Variants in ZNF506 observed in about 807,000 individuals in gnomAD.
ZNF506 encodes zinc finger protein 506.
In ZNF506, 10 loss-of-function variants were observed where a neutral mutation model predicts 11.6. The observed-to-expected ratio is 0.86, with a 90% CI of 0.53 to 1.46. The LOEUF is 1.46. Among genes scored for constraint, ZNF506 ranks in the 40% most tolerant of loss-of-function variants. The pLI is 0.00. For synonymous variants in ZNF506, 156 were observed against 173.3 expected, an observed-to-expected ratio of 0.90 and a Z score of 0.78; for missense variants, 425 against 521.2, an observed-to-expected ratio of 0.82 and a Z score of 1.80.
intron 1 of ZNF506, 135 bp from the exon 2 acceptor site, chr19:19,807,203 C>A: frequency 7.1e-7 from 1 of 1,416,386 alleles, no homozygotes; most frequent in Non-Finnish European, 9.5e-7. Flanking sequence ...AAATGATTTT[C>A]AACACAGAAA....
At chr19:19,809,224 T>C (rs369074391) in intron 1 of ZNF506, among the ~76,000 whole-genome samples, 7 of 152,186 alleles carry the variant, frequency 4.6e-5, no homozygotes, top group Admixed American at 1.3e-4. Flanking sequence ...GAATCCTGCA[T>C]AGCATATAAG....
intron 1 of ZNF506, among the ~76,000 whole-genome samples, chr19:19,812,308 C>T (rs192860534): frequency 6.6e-6 from 1 of 152,360 alleles, no homozygotes; most frequent in East Asian, 1.9e-4. Context: ...GCCGCTGGCC[C>T]AATGATAAGC....
intron 1 of ZNF506, among the ~76,000 whole-genome samples, chr19:19,807,487 T>G (rs2062844518): frequency 6.6e-6 from 1 of 152,192 alleles, no homozygotes; most frequent in African/African-American, 2.4e-5. Context: ...TTCCAGAAGA[T>G]CTGAAATAAA....
At chr19:19,811,521 C>T (rs2062882862) in intron 1 of ZNF506, among the ~76,000 whole-genome samples, 2 of 152,088 alleles carry the variant, frequency 1.3e-5, no homozygotes, top group African/African-American at 4.8e-5. Flanking sequence ...AGAAATTATA[C>T]TGCTGGGTGT....
intron 3 of ZNF506, among the ~76,000 whole-genome samples, chr19:19,804,474 C>T (rs2062819009): frequency 6.6e-6 from 1 of 152,218 alleles, no homozygotes; most frequent in Admixed American, 6.5e-5. Flanking sequence ...AACGCTTTTA[C>T]ACTGTTGGCG....
rs543566213 is a variant in ZNF506 at position 19,794,317 on chromosome 19, CA to C, written c.*234del. 2.6e-6 allele frequency: 1 copy of C among 378,482 alleles called. No individual in the cohort carries two copies. The highest frequency in any genetic ancestry group is 4.4e-5 in the South Asian group (1 of 22,500). The allele number at this position is 378,482 out of a possible 1,614,324, so 23.4% of individuals were successfully genotyped here. A position where few individuals can be genotyped will look rare whatever the true frequency, so the allele number is the denominator to read the frequency against. ...AAGAGTGAAACTCCATCTCAAAAAA[CA>C]AAAAGAGTTGACAGGTTGTTATAGG... On this transcript the variant is annotated 3_prime_UTR_variant, in exon 4 of 4. Transcript: ENST00000540806.
intron 3 of ZNF506, chr19:19,797,020 T>C (rs1201778388): frequency 6.6e-6 from 1 of 152,302 alleles, no homozygotes; most frequent in African/African-American, 2.4e-5. Flanking sequence ...TCATAACAGG[T>C]AGCTTTTTGT....
chr19:19,805,637 C>A (rs1025698179), intron 3 of ZNF506, among the ~76,000 whole-genome samples: 4 of 151,914 alleles, frequency 2.6e-5, no homozygotes, highest in African/African-American at 9.7e-5. Flanking sequence ...CTTTCACACA[C>A]ACATTTAAGA....
intron 3 of ZNF506, among the ~76,000 whole-genome samples, chr19:19,803,891 A>C (rs1415321289): frequency 6.6e-6 from 1 of 152,214 alleles, no homozygotes; most frequent in Non-Finnish European, 1.5e-5. Context: ...ATAGAAAAAT[A>C]AGTAAAATGC....
Position 19,795,594 on chromosome 19 carries a change from A to T in ZNF506, c.293T>A (p.Val98Glu). 1 of 1,565,218 alleles carries T rather than the reference A, an allele frequency of 6.4e-7. No individual in the cohort carries two copies. The part of the protein sequence containing the change: ...EQSIKDSFQK[V>E]ILRRYEKCRH... ...ACATTTTTCATATCTTCTTAGTATC[A>T]CTTTTTGGAAAGAATCTTTTATGCT... The change falls in exon 4 of 4, where the codon GTG becomes GAG. Residue 98 changes from valine to glutamate, a missense_variant. Physicochemically the swap from Val to Glu is moderately radical, Grantham distance 121. This residue lies in a region of ZNF506 where 226 missense variants were observed against 279.1 expected (regional missense o/e 0.81). Transcript: ENST00000540806.
At chr19:19,821,536 C>G (rs1325676818) in intron 1 of ZNF506, 65 bp downstream of exon 1, 18 of 1,611,026 alleles carry the variant, frequency 1.1e-5, no homozygotes, top group South Asian at 4.4e-5. Context: ...ACAGCCACAG[C>G]CACTTCCTCC....
At chr19:19,801,930 G>A (rs959799436) in intron 3 of ZNF506, among the ~76,000 whole-genome samples, 10 of 149,686 alleles carry the variant, frequency 6.7e-5, no homozygotes, top group Non-Finnish European at 1.5e-4. Flanking sequence ...CCAGCCAGGC[G>A]CAGTGGCTCA....
intron 3 of ZNF506, chr19:19,799,354 C>CA: frequency 1.9e-6 from 1 of 534,508 alleles, no homozygotes; most frequent in Non-Finnish European, 3.3e-6. Context: ...CAGTAAAAAA[C>CA]AATTATTTCT....
At chr19:19,796,507 C>G in intron 3 of ZNF506, 1 of 152,022 alleles carries the variant, frequency 6.6e-6, no homozygotes, top group East Asian at 1.9e-4. Context: ...GGGTTCACGC[C>G]ATTCTCCTGC....
At chr19:19,808,662 G>A (rs1340912408) in intron 1 of ZNF506, among the ~76,000 whole-genome samples, 1 of 150,964 alleles carries the variant, frequency 6.6e-6, no homozygotes, top group Non-Finnish European at 1.5e-5. Context: ...CTGACTAACA[G>A]GGTGAAACCT....
At chr19:19,795,685 G>A in intron 3 of ZNF506, 25 bp from the exon 4 acceptor site, 1 of 1,478,262 alleles carries the variant, frequency 6.8e-7, no homozygotes, top group Non-Finnish European at 9.0e-7. Flanking sequence ...AAAAACACAT[G>A]ACTTCAATTG....
In ZNF506 at chr19:19,793,936, G is replaced by A. The variant is rs2062715363; in HGVS notation, c.*616C>T. ...ATTTTTATGTATACAAAAGTTGGAG[G>A]TGGTGGTAAAAGCACTGTTGCATCT... On this transcript the variant is annotated 3_prime_UTR_variant, in exon 4 of 4. Transcript: ENST00000540806. 6.6e-6 allele frequency: 1 copy of A among 152,332 alleles called. No homozygotes were observed. The highest frequency in any genetic ancestry group is 1.5e-5 in the Non-Finnish European group (1 of 68,180). 9.4% of individuals were successfully genotyped at this position (152,332 alleles called of 1,614,324 possible). A position where few individuals can be genotyped will look rare whatever the true frequency, so the allele number is the denominator to read the frequency against.
chr19:19,816,566 G>A (rs571466933), intron 1 of ZNF506, among the ~76,000 whole-genome samples: 2 of 152,194 alleles, frequency 1.3e-5, no homozygotes, highest in South Asian at 2.1e-4. Context: ...CACCCTGTTA[G>A]CCAGGATGGT....
Position 19,794,546 on chromosome 19 carries a change from T to C in ZNF506, c.*6A>G. On this transcript the variant is annotated 3_prime_UTR_variant, in exon 4 of 4. Coordinates refer to ENST00000540806, the MANE Select transcript of ZNF506 (RefSeq NM_001099269.3). ...TCACATTCATACGGTTTCTCTCCAG[T>C]ATGAATTATCTTATGCTTATTAAGG... 1 of 1,578,202 alleles carries C rather than the reference T, an allele frequency of 6.3e-7. No homozygotes were observed.
Sources: gnomAD v4.1 joint callset for allele counts (sites outside exome capture counted in the v4.1 genomes callset) on GRCh38, gnomAD v4.1.1 for gene constraint, gnomAD v4.1.1 regional missense constraint, MANE v1.5 for transcripts, NCBI Gene and HGNC (gene_info 2026-07-23, HGNC 2026-07-21) for gene names.